MGST1: variants seen among roughly 807,000 people sequenced by gnomAD.
MGST1 encodes microsomal glutathione S-transferase 1.
A neutral mutation model predicts 8.9 loss-of-function variants in MGST1; 5 were observed. That is an observed-to-expected ratio of 0.56 (90% CI 0.29 to 1.19). The LOEUF (loss-of-function observed/expected upper bound fraction) is 1.19. Ranked by LOEUF, MGST1 falls within the 50% of genes most tolerant of loss-of-function variation. MGST1 has a pLI of 0.08. For missense variants in MGST1, 182 were observed against 187.4 expected (o/e 0.97, Z 0.17); for synonymous variants, 54 against 67.8 (o/e 0.80, Z 1.00).
At chr12:16,529,759 G>C (rs1941710842) in intron 4 of MGST1, among the ~76,000 whole-genome samples, 1 of 152,076 alleles carries the variant, frequency 6.6e-6, no homozygotes, top group Non-Finnish European at 1.5e-5. Flanking sequence ...ACATAAATGA[G>C]TTGGCATTTA....
At chr12:16,495,829 C>G (rs7302929) in intron 4 of MGST1, among the ~76,000 whole-genome samples, 129,858 of 151,958 alleles carry the variant, frequency 0.85, 56,434 homozygotes, top group East Asian at 0.95. Flanking sequence ...TATAACGCAT[C>G]CTCCCTGAAT....
chr12:16,482,754 G>A lies in MGST1; in HGVS notation n.482+99150G>A, dbSNP rs1004757076. Among the ~76,000 whole-genome samples, 23 of 152,154 alleles carry A rather than the reference G, an allele frequency of 1.5e-4. No individual in the cohort carries two copies. Among genetic ancestry groups the A allele is most frequent in the African/African-American group, 2.2e-4 (9 of 41,430 alleles). On this transcript the variant is annotated intron_variant and non_coding_transcript_variant, in intron 4 of 4. Coordinates refer to the MGST1 transcript ENST00000538857. This position sits in a 1 kb window ranked among gnomAD's most constrained non-coding sequence, Gnocchi z 4.2. ...AGGGAAAAGATAATGGCTGAGATAC[G>A]CAAAGGATTAGACTATCATGTCGGA...
intron 1 of MGST1, among the ~76,000 whole-genome samples, chr12:16,418,610 C>T (rs1399135942): frequency 6.6e-6 from 1 of 152,080 alleles, no homozygotes; most frequent in Admixed American, 6.5e-5. Context: ...ACTATACATT[C>T]ACTGAGAAAT....
intron 1 of MGST1, among the ~76,000 whole-genome samples, chr12:16,428,740 A>G (rs1299765156): frequency 6.6e-6 from 1 of 152,048 alleles, no homozygotes; most frequent in Non-Finnish European, 1.5e-5. Context: ...TGTATGTCAG[A>G]TGGTTAAAAA....
chr12:16,436,625 T>A (rs1195107410), intron 1 of MGST1, among the ~76,000 whole-genome samples: 1 of 151,990 alleles, frequency 6.6e-6, no homozygotes, highest in Non-Finnish European at 1.5e-5. Context: ...TGATAACAAT[T>A]ATTATTAAAG....
intron 1 of MGST1, among the ~76,000 whole-genome samples, chr12:16,420,460 G>C (rs531140247): frequency 1.3e-5 from 2 of 152,260 alleles, no homozygotes; most frequent in East Asian, 1.9e-4. Context: ...ACTATCCTAA[G>C]TCAGGTTTCC....
chr12:16,495,759 TG>T (rs1306826082), intron 4 of MGST1, among the ~76,000 whole-genome samples: 1 of 152,018 alleles, frequency 6.6e-6, no homozygotes, highest in African/African-American at 2.4e-5. Flanking sequence ...TCTCCAAAAC[TG>T]TATTCATTCT....
chr12:16,555,175 ATTTG>A lies in MGST1; in HGVS notation n.483-34352_483-34349del, dbSNP rs1271964299. On this transcript the variant is annotated intron_variant and non_coding_transcript_variant, in intron 4 of 4. Coordinates refer to the MGST1 transcript ENST00000538857. The surrounding 1 kb of genome is among the most constrained non-coding windows in gnomAD (Gnocchi z 5.5). Reference sequence around the variant, plus strand: ...TTTATCAGAATTTGCTATCATTATTATTTGGTAATGATAATCTTTTCACCTTTAC... The same window carrying A: ...TTTATCAGAATTTGCTATCATTATTAGTAATGATAATCTTTTCACCTTTAC... Among the ~76,000 whole-genome samples the A allele has an allele frequency of 6.6e-6, 1 of 152,206 alleles. No homozygotes were observed. Among genetic ancestry groups the A allele is most frequent in the African/African-American group, 2.4e-5 (1 of 41,442 alleles).
At chr12:16,414,904 A>G (rs1009595304) in intron 1 of MGST1, among the ~76,000 whole-genome samples, 2 of 151,996 alleles carry the variant, frequency 1.3e-5, no homozygotes, top group Admixed American at 1.3e-4. Context: ...CGTGCCTGTA[A>G]CCCCAGCTAC....
intron 1 of MGST1, among the ~76,000 whole-genome samples, chr12:16,391,134 C>T (rs1351149664): frequency 8.2e-6 from 1 of 122,664 alleles, no homozygotes; most frequent in Non-Finnish European, 1.6e-5. Flanking sequence ...GTCCTTTGCC[C>T]ACTTCTTTTT....
At chr12:16,400,717 T>A in intron 1 of MGST1, 2 of 1,355,982 alleles carry the variant, frequency 1.5e-6, no homozygotes, top group Non-Finnish European at 2.1e-6. Context: ...AAAAGTTGAT[T>A]TGCAAGTAAG....
At chr12:16,590,239 C>T (rs1943447896), downstream of MGST1, among the ~76,000 whole-genome samples, 1 of 152,018 alleles carries the variant, frequency 6.6e-6, no homozygotes, top group Admixed American at 6.6e-5. Context: ...GCAAAACTAA[C>T]ATTAGTGAGC....
chr12:16,377,914 T>C (rs865893254), downstream of MGST1, among the ~76,000 whole-genome samples: 25 of 151,712 alleles, frequency 1.6e-4, no homozygotes, highest in African/African-American at 5.8e-4. Flanking sequence ...GAGCATTTTT[T>C]CATGTGTTTT....
chr12:16,484,824 C>T (rs1426878444), intron 4 of MGST1, among the ~76,000 whole-genome samples: 1 of 152,138 alleles, frequency 6.6e-6, no homozygotes, highest in Non-Finnish European at 1.5e-5. Context: ...GGACATAAAT[C>T]CAAACCATAT....
intron 1 of MGST1, among the ~76,000 whole-genome samples, chr12:16,427,191 A>G (rs1239091793): frequency 1.3e-5 from 2 of 152,128 alleles, no homozygotes; most frequent in African/African-American, 4.8e-5. Flanking sequence ...TAAGAAGACT[A>G]ACATATTTTG....
At chr12:16,499,611 G>T (rs950028382) in intron 4 of MGST1, among the ~76,000 whole-genome samples, 1 of 151,624 alleles carries the variant, frequency 6.6e-6, no homozygotes, top group Non-Finnish European at 1.5e-5. Context: ...CAAAGTTGTC[G>T]TGTCTCAGTC....
intron 4 of MGST1, among the ~76,000 whole-genome samples, chr12:16,447,260 C>A (rs1229814133): frequency 6.6e-6 from 1 of 151,928 alleles, no homozygotes. Flanking sequence ...TAAAACCAGT[C>A]ATTTATCCAA....
intron 4 of MGST1, among the ~76,000 whole-genome samples, chr12:16,474,370 A>T (rs952965373): frequency 2.6e-5 from 4 of 152,232 alleles, no homozygotes; most frequent in African/African-American, 9.6e-5. Flanking sequence ...CTTCTAAAAA[A>T]CATTGTCAAT....
chr12:16,374,138 T>C (rs982933702), intron 3 of MGST1, among the ~76,000 whole-genome samples: 1 of 152,164 alleles, frequency 6.6e-6, no homozygotes, highest in African/African-American at 2.4e-5. Flanking sequence ...AAACCATTAA[T>C]GTTTAATCAC....
Sources: allele counts gnomAD v4.1 joint callset (sites outside exome capture counted in the v4.1 genomes callset), GRCh38; gene constraint gnomAD v4.1.1; non-coding constraint Gnocchi (gnomAD v3.1); transcripts MANE v1.5; gene names NCBI Gene and HGNC (gene_info 2026-07-23, HGNC 2026-07-21).